The following KIAA1217 variants were observed in gnomAD, a reference collection of about 807,000 sequenced individuals.
KIAA1217 encodes KIAA1217, also known as sickle tail protein homolog.
In KIAA1217, 88 loss-of-function variants were observed where a neutral mutation model predicts 163.9. The ratio of observed to expected loss-of-function variants is 0.54; its 90% CI spans 0.45 to 0.64. The LOEUF (loss-of-function observed/expected upper bound fraction) is 0.64, where lower values mean the gene tolerates loss of function less well. KIAA1217 is among the 30% of genes least tolerant of loss of function. The pLI is 0.00. For synonymous variants in KIAA1217, 903 were observed against 923.1 expected (o/e 0.98, Z 0.39); for missense variants, 2,372 against 2,475.0 (o/e 0.96, Z 0.88).
chr10:24,031,547 A>T (rs1453412568), intron 2 of KIAA1217, among the ~76,000 whole-genome samples: 1 of 152,218 alleles, frequency 6.6e-6, no homozygotes, highest in East Asian at 1.9e-4. Flanking sequence ...TGATCCGCCC[A>T]CCTTGGCCTC....
chr10:23,854,464 G>A (rs1387421644), intron 1 of KIAA1217, among the ~76,000 whole-genome samples: 4 of 152,132 alleles, frequency 2.6e-5, no homozygotes, highest in African/African-American at 7.2e-5. Flanking sequence ...TAGGTGTGGT[G>A]TGGTGCTGAA....
At chr10:24,464,226 G>T (rs538856017) in intron 5 of KIAA1217, among the ~76,000 whole-genome samples, 1 of 152,120 alleles carries the variant, frequency 6.6e-6, no homozygotes, top group African/African-American at 2.4e-5. Flanking sequence ...CTGATTCACC[G>T]CAGGATTGGG....
chr10:24,321,612 C>G (rs2044169900), intron 2 of KIAA1217, among the ~76,000 whole-genome samples: 1 of 152,148 alleles, frequency 6.6e-6, no homozygotes, highest in African/African-American at 2.4e-5. Flanking sequence ...CTGACACATG[C>G]TACAAAATGG....
intron 1 of KIAA1217, among the ~76,000 whole-genome samples, chr10:24,001,422 T>C (rs1412424333): frequency 1.3e-5 from 2 of 152,192 alleles, no homozygotes. Context: ...GTGGATAAGA[T>C]AGAAAGTAAA....
intron 3 of KIAA1217, among the ~76,000 whole-genome samples, chr10:24,383,827 C>G (rs1053396677): frequency 6.6e-6 from 1 of 152,150 alleles, no homozygotes; most frequent in Non-Finnish European, 1.5e-5. Flanking sequence ...TCCCCCCAGC[C>G]GCACCTGGCC....
chr10:24,270,703 G>T (rs2076692386), intron 2 of KIAA1217, among the ~76,000 whole-genome samples: 1 of 152,028 alleles, frequency 6.6e-6, no homozygotes, highest in Non-Finnish European at 1.5e-5. Flanking sequence ...TCCACACCCA[G>T]CTAATTTTTG....
rs1481167129 is a variant in KIAA1217, at chr10:24,501,476, G to A, written c.1932G>A (p.Met644Ile). ...PPPVGTSAIH[M>I]SLLEMRRSVA... ...CTGTGGGCACCTCAGCCATCCACAT[G>A]AGCCTGCTTGAGATGAGGCGGAGCG... Residue 644 changes from methionine (M) to isoleucine (I), a missense_variant, in exon 9 of 21, where the codon ATG becomes ATA. Transcript: ENST00000376454. The A allele has an allele frequency of 1.2e-6, 2 of 1,613,994 alleles. No individual in the cohort carries two copies. The highest frequency in any genetic ancestry group is 8.5e-7 in the Non-Finnish European group (1 of 1,179,966).
chr10:24,281,651 T>A (rs2077941042), intron 2 of KIAA1217, among the ~76,000 whole-genome samples: 2 of 152,206 alleles, frequency 1.3e-5, no homozygotes, highest in Non-Finnish European at 2.9e-5. Flanking sequence ...AGAATCTCCT[T>A]CAATTGAGAC....
chr10:24,407,686 G>A (rs2057367251), intron 3 of KIAA1217, among the ~76,000 whole-genome samples: 1 of 152,064 alleles, frequency 6.6e-6, no homozygotes, highest in Admixed American at 6.6e-5. Flanking sequence ...GGCAGACATG[G>A]CCATAATATT....
intron 1 of KIAA1217, among the ~76,000 whole-genome samples, chr10:23,821,962 C>T (rs1268279056): frequency 2.6e-5 from 4 of 152,178 alleles, no homozygotes; most frequent in Non-Finnish European, 5.9e-5. Flanking sequence ...CATCATCTTC[C>T]GTGTCTCCTG....
intron 2 of KIAA1217, among the ~76,000 whole-genome samples, chr10:24,314,122 A>G (rs1170215650): frequency 6.6e-6 from 1 of 152,098 alleles, no homozygotes; most frequent in African/African-American, 2.4e-5. Context: ...TTGAAAGATG[A>G]CTTAATCCTT....
chr10:23,967,472 C>T (rs942225079), intron 1 of KIAA1217, among the ~76,000 whole-genome samples: 5 of 151,942 alleles, frequency 3.3e-5, no homozygotes, highest in Admixed American at 3.3e-4. Flanking sequence ...TGCAAGAAGT[C>T]CACAGAAAAA....
At chr10:24,218,791 C>T (rs939387917) in intron 1 of KIAA1217, among the ~76,000 whole-genome samples, 2 of 152,118 alleles carry the variant, frequency 1.3e-5, no homozygotes, top group East Asian at 1.9e-4. Context: ...GCCTGGCCCT[C>T]GATTGTTACT....
intron 1 of KIAA1217, among the ~76,000 whole-genome samples, chr10:23,766,587 C>CTTTTTTTTTTTTTTTTTTTT (rs766892555): frequency 6.0e-5 from 8 of 133,754 alleles, no homozygotes; most frequent in African/African-American, 1.2e-4. Context: ...TTCTTTCTTT[C>CTTTTTTTTTTTTTTTTTTTT]TTTTTTCTTT....
chr10:23,776,016 A>G (rs1027881271), intron 1 of KIAA1217, among the ~76,000 whole-genome samples: 2 of 152,230 alleles, frequency 1.3e-5, no homozygotes, highest in African/African-American at 4.8e-5. Context: ...AATGACTTTC[A>G]CAGAGTCACA....
At chr10:24,532,259 A>T (rs1592713888) in intron 15 of KIAA1217, among the ~76,000 whole-genome samples, 1 of 152,320 alleles carries the variant, frequency 6.6e-6, no homozygotes, top group Non-Finnish European at 1.5e-5. Context: ...GCATCATAAG[A>T]TTGAAAATGA....
intron 2 of KIAA1217, among the ~76,000 whole-genome samples, chr10:24,099,719 C>G (rs1244586594): frequency 6.7e-6 from 1 of 149,728 alleles, no homozygotes; most frequent in East Asian, 2.0e-4. Flanking sequence ...AGGTATATCT[C>G]CTAATGCTAT....
chr10:23,857,091 CG>C (rs1403270989), intron 1 of KIAA1217, among the ~76,000 whole-genome samples: 3 of 152,238 alleles, frequency 2.0e-5, no homozygotes, highest in Non-Finnish European at 2.9e-5. Context: ...AGAAATCACC[CG>C]TCTTCTGTGT....
intron 2 of KIAA1217, among the ~76,000 whole-genome samples, chr10:24,259,225 C>T (rs2075480493): frequency 6.6e-6 from 1 of 151,996 alleles, no homozygotes; most frequent in Non-Finnish European, 1.5e-5. Flanking sequence ...CAGATTTTTA[C>T]AAAATAGATG....
Sources: gnomAD v4.1 joint callset for allele counts (sites outside exome capture counted in the v4.1 genomes callset) on GRCh38, gnomAD v4.1.1 for gene constraint, MANE v1.5 for transcripts, NCBI Gene and HGNC (gene_info 2026-07-23, HGNC 2026-07-21) for gene names.